ISCA1: variants seen among roughly 807,000 people sequenced by gnomAD.
ISCA1 encodes iron-sulfur cluster assembly 1.
ISCA1 carries 9 observed loss-of-function variants against 14.7 expected under a neutral mutation model. The observed-to-expected ratio is 0.61, with a 90% CI of 0.37 to 1.07. The LOEUF (loss-of-function observed/expected upper bound fraction) is 1.07, where lower values mean the gene tolerates loss of function less well. Among genes scored for constraint, ISCA1 ranks in the 50% least tolerant of loss-of-function variants. ISCA1 has a pLI of 0.01. For synonymous variants in ISCA1, 38 were observed against 54.3 expected, an observed-to-expected ratio of 0.70 and a Z score of 1.32; for missense variants, 102 against 150.1, an observed-to-expected ratio of 0.68 and a Z score of 1.67.
intron 1 of ISCA1, 30 bp downstream of exon 1, chr9:86,282,348 C>A (rs775141111): frequency 1.3e-6 from 2 of 1,535,158 alleles, no homozygotes; most frequent in Admixed American, 2.0e-5. Context: ...AGCAATGTCA[C>A]GGGCCCCGCC....
rs1825278481 is a variant in ISCA1 at position 86,265,074 on chromosome 9, T to C, written c.*969A>G. ...TTCAAAGGTGAAAGAAACAAGATGG[T>C]AATTGACATAAAAAGGTTTTAAAAT... is the stretch of plus-strand genomic sequence containing the variant. On this transcript the variant is annotated 3_prime_UTR_variant, in exon 4 of 4. Coordinates refer to ENST00000375991, the MANE Select transcript of ISCA1 (RefSeq NM_030940.4). 6.6e-6 allele frequency: 1 copy of C among 152,230 alleles called. No homozygotes were observed. Among genetic ancestry groups the C allele is most frequent in the Non-Finnish European group, 1.5e-5 (1 of 68,040 alleles). The allele number at this position is 152,230 out of a possible 1,614,324, so 9.4% of individuals were successfully genotyped here.
chr9:86,268,039 A>G (rs542528324), intron 3 of ISCA1, among the ~76,000 whole-genome samples: 1 of 152,040 alleles, frequency 6.6e-6, no homozygotes, highest in Non-Finnish European at 1.5e-5. Flanking sequence ...ATGATAATAA[A>G]TGGTTATGTT....
At chr9:86,281,369 T>C (rs1037266772) in intron 1 of ISCA1, among the ~76,000 whole-genome samples, 4 of 152,244 alleles carry the variant, frequency 2.6e-5, no homozygotes, top group Admixed American at 2.0e-4. Context: ...CTTTTGGCAT[T>C]AGATGCAACA....
Position 86,265,845 on chromosome 9 carries a change from A to C in ISCA1, c.*198T>G. 2.2e-6 allele frequency: 2 copies of C among 907,388 alleles called. No homozygotes were observed. Among genetic ancestry groups the C allele is most frequent in the East Asian group, 2.5e-5 (1 of 40,792 alleles). The allele number at this position is 907,388 out of a possible 1,614,324, so 56.2% of individuals were successfully genotyped here. A position where few individuals can be genotyped will look rare whatever the true frequency, so the allele number is the denominator to read the frequency against. Reference sequence around the variant, plus strand: ...AGGATACAAGAGACCTAAATGATCCAAAAAGAGTGATGGCTTCTCATTTTC... The same window carrying C: ...AGGATACAAGAGACCTAAATGATCCCAAAAGAGTGATGGCTTCTCATTTTC... On this transcript the variant is annotated 3_prime_UTR_variant, in exon 4 of 4. Transcript: ENST00000375991.
In ISCA1 at chr9:86,266,697, T is replaced by G. The variant is rs150043349; in HGVS notation, c.242-506A>C. Among the ~76,000 whole-genome samples, 21 of 152,204 alleles carry G rather than the reference T, an allele frequency of 1.4e-4. No individual in the cohort carries two copies. The East Asian group carries it at 4.1e-3, about 29-fold the overall frequency. ...AAAACAGGTACTATTCCCTAGTAAT[T>G]ACACAGGTAGAGGTCAGCATCTTTG... is the stretch of plus-strand genomic sequence containing the variant. On this transcript the variant is annotated intron_variant, in intron 3 of 3. Coordinates refer to ENST00000375991, the MANE Select transcript of ISCA1 (RefSeq NM_030940.4).
intron 1 of ISCA1, chr9:86,282,148 G>T (rs1825526898): frequency 9.0e-6 from 5 of 557,922 alleles, no homozygotes; most frequent in Non-Finnish European, 1.5e-5. Context: ...CGGCCTGACG[G>T]GAAACGTAGT....
At chr9:86,277,906 G>A (rs1317614166) in intron 1 of ISCA1, among the ~76,000 whole-genome samples, 2 of 152,102 alleles carry the variant, frequency 1.3e-5, no homozygotes, top group African/African-American at 2.4e-5. Flanking sequence ...AGATGTTTCC[G>A]CTGTTAAAAT....
chr9:86,282,206 A>C, intron 1 of ISCA1, 172 bp downstream of exon 1: 1 of 681,766 alleles, frequency 1.5e-6, no homozygotes, highest in Non-Finnish European at 2.4e-6. Flanking sequence ...TTATCGTTGC[A>C]AAGAGGGGCC....
intron 3 of ISCA1, among the ~76,000 whole-genome samples, chr9:86,271,716 G>C (rs1434774708): frequency 2.0e-5 from 3 of 152,156 alleles, no homozygotes; most frequent in South Asian, 2.1e-4. Flanking sequence ...TAGTTACTAA[G>C]AGCAGTCTCT....
At chr9:86,276,870 CAAAAAA>C (rs35460722) in intron 1 of ISCA1, among the ~76,000 whole-genome samples, 4 of 39,910 alleles carry the variant, frequency 1.0e-4, no homozygotes, top group Non-Finnish European at 1.7e-4. Flanking sequence ...GACTCTGTCT[CAAAAAA>C]AAAAAAAAAA....
chr9:86,276,870 C>CAAAAAAAAA (rs35460722), intron 1 of ISCA1, among the ~76,000 whole-genome samples: 1 of 39,908 alleles, frequency 2.5e-5, no homozygotes, highest in African/African-American at 9.7e-5. Flanking sequence ...GACTCTGTCT[C>CAAAAAAAAA]AAAAAAAAAA....
chr9:86,280,313 C>T (rs904367114), intron 1 of ISCA1, among the ~76,000 whole-genome samples: 7 of 152,064 alleles, frequency 4.6e-5, no homozygotes, highest in South Asian at 4.1e-4. Context: ...GGGCAAGGCA[C>T]GGTGGCTCAT....
chr9:86,268,443 CA>C (rs35902983), intron 3 of ISCA1, among the ~76,000 whole-genome samples: 1,600 of 82,132 alleles, frequency 0.019, 15 homozygotes, highest in African/African-American at 0.051. Context: ...ACAAAAGAGT[CA>C]AAAAAAAAAA....
intron 1 of ISCA1, among the ~76,000 whole-genome samples, chr9:86,276,389 T>C (rs1330313657): frequency 6.6e-6 from 1 of 152,198 alleles, no homozygotes; most frequent in Non-Finnish European, 1.5e-5. Flanking sequence ...TACCAGTCTG[T>C]AGCGCAGGGA....
At chr9:86,269,965 G>A (rs1292967294) in intron 3 of ISCA1, among the ~76,000 whole-genome samples, 7 of 151,940 alleles carry the variant, frequency 4.6e-5, no homozygotes, top group East Asian at 3.9e-4. Context: ...AGACTTAAAC[G>A]TTAGACCTAA....
intron 1 of ISCA1, among the ~76,000 whole-genome samples, chr9:86,277,402 G>A: frequency 6.6e-6 from 1 of 152,124 alleles, no homozygotes; most frequent in African/African-American, 2.4e-5. Flanking sequence ...CAAGGGAAAA[G>A]GTTCTTAGAA....
rs555521201 is a variant in ISCA1 at position 86,282,509 on chromosome 9, G to T, written c.-51C>A. 6.5e-7 allele frequency: 1 copy of T among 1,549,818 alleles called. No homozygotes were observed. The highest frequency in any genetic ancestry group is 1.4e-5 in the African/African-American group (1 of 73,164). On this transcript the variant is annotated 5_prime_UTR_variant, in exon 1 of 4. It adds an upstream start codon to the 5' untranslated region. Transcript: ENST00000375991. ...CTCGGGCCGAAGGTCGGCCGCCTCAGCTTCTCTCCATGGACACGGCGGGCG... is the reference window on the plus strand; with the variant it reads ...CTCGGGCCGAAGGTCGGCCGCCTCATCTTCTCTCCATGGACACGGCGGGCG...
intron 3 of ISCA1, among the ~76,000 whole-genome samples, chr9:86,270,384 C>A (rs1055083113): frequency 0.011 from 1,668 of 151,444 alleles, 40 homozygotes; most frequent in African/African-American, 0.038. Context: ...AAATCAAAAC[C>A]ACAATGAGAT....
intron 3 of ISCA1, among the ~76,000 whole-genome samples, chr9:86,268,443 C>CA (rs35902983): frequency 0.29 from 23,456 of 82,028 alleles, 2,045 homozygotes; most frequent in East Asian, 0.37. Flanking sequence ...ACAAAAGAGT[C>CA]AAAAAAAAAA....
Sources: gnomAD v4.1 joint callset for allele counts (sites outside exome capture counted in the v4.1 genomes callset) on GRCh38, gnomAD v4.1.1 for gene constraint, MANE v1.5 for transcripts, NCBI Gene and HGNC (gene_info 2026-07-23, HGNC 2026-07-21) for gene names.